CSMD1: variants seen among roughly 807,000 people sequenced by gnomAD.
The protein encoded by CSMD1 is CUB and Sushi multiple domains 1, also known as CUB and sushi domain-containing protein 1.
In CSMD1, 213 loss-of-function variants were observed where a neutral mutation model predicts 417.5. The observed-to-expected ratio is 0.51, with a 90% CI of 0.46 to 0.57. The LOEUF (loss-of-function observed/expected upper bound fraction) is 0.57. Among genes scored for constraint, CSMD1 ranks in the 20% least tolerant of loss-of-function variants. The pLI is 0.00. For synonymous variants in CSMD1, 2,862 were observed against 1,736.8 expected (o/e 1.65, Z -16.11); for missense variants, 6,923 against 4,529.7 (o/e 1.53, Z -15.17).
At chr8:4,421,617 T>C (rs192943964) in intron 2 of CSMD1, among the ~76,000 whole-genome samples, 1 of 151,514 alleles carries the variant, frequency 6.6e-6, no homozygotes, top group Non-Finnish European at 1.5e-5. Flanking sequence ...TCAAGGAAAA[T>C]AAAAATACAG....
intron 16 of CSMD1, among the ~76,000 whole-genome samples, chr8:3,396,877 T>C (rs1811733989): frequency 2.0e-5 from 3 of 151,936 alleles, no homozygotes. Context: ...TAAACACCTT[T>C]CCTGAAAAAA....
intron 3 of CSMD1, among the ~76,000 whole-genome samples, chr8:4,052,001 C>A (rs376401718): frequency 1.3e-5 from 2 of 151,938 alleles, no homozygotes; most frequent in East Asian, 1.9e-4. Flanking sequence ...TCTCGGCTCA[C>A]TGCAACCTCT....
intron 3 of CSMD1, among the ~76,000 whole-genome samples, chr8:4,036,568 C>T (rs1330898957): frequency 6.6e-6 from 1 of 152,116 alleles, no homozygotes; most frequent in Non-Finnish European, 1.5e-5. Flanking sequence ...TCAATTTCAT[C>T]AATTTAGGAA....
At chr8:3,784,135 T>C (rs1329628073) in intron 5 of CSMD1, among the ~76,000 whole-genome samples, 1 of 145,458 alleles carries the variant, frequency 6.9e-6, no homozygotes, top group Non-Finnish European at 1.5e-5. Flanking sequence ...CTTTTTCCTC[T>C]CTCTTTCTCT....
At chr8:3,321,899 T>C (rs1011873558) in intron 23 of CSMD1, among the ~76,000 whole-genome samples, 4 of 152,192 alleles carry the variant, frequency 2.6e-5, no homozygotes, top group African/African-American at 9.6e-5. Flanking sequence ...ACCAGAAATA[T>C]GCAATTAGGG....
intron 3 of CSMD1, among the ~76,000 whole-genome samples, chr8:4,408,625 A>G (rs536333871): frequency 6.6e-6 from 1 of 152,204 alleles, no homozygotes; most frequent in African/African-American, 2.4e-5. Flanking sequence ...TGGAAAATGT[A>G]CTCTATATGA....
chr8:4,806,249 T>G (rs1016448220), intron 1 of CSMD1, among the ~76,000 whole-genome samples: 1 of 152,184 alleles, frequency 6.6e-6, no homozygotes, highest in African/African-American at 2.4e-5. Context: ...CTGAGGATCA[T>G]GCAGTGTGCA....
At chr8:4,912,975 G>C (rs188351118) in intron 1 of CSMD1, among the ~76,000 whole-genome samples, 11 of 152,278 alleles carry the variant, frequency 7.2e-5, no homozygotes, top group Non-Finnish European at 1.2e-4. Context: ...TTTTAGTAGA[G>C]ATGGGGTTTT....
intron 5 of CSMD1, among the ~76,000 whole-genome samples, chr8:3,946,264 G>C (rs2980782): frequency 0.38 from 58,254 of 151,880 alleles, 11,319 homozygotes; most frequent in South Asian, 0.48. Flanking sequence ...TTCCATATTA[G>C]AGAACACAGT....
rs376282969 is a variant in CSMD1 at position 4,032,025 on chromosome 8, C to T, written c.490G>A (p.Gly164Arg). 1.9e-6 allele frequency: 3 copies of T among 1,613,930 alleles called. No homozygotes were observed. The highest frequency in any genetic ancestry group is 2.5e-6 in the Non-Finnish European group (3 of 1,179,864). The change falls in exon 4 of 70, where the codon GGA (glycine) becomes AGA (arginine). Residue 164 changes from glycine to arginine, a missense_variant. By Grantham distance (125) the Gly-to-Arg change is moderately radical. Coordinates refer to ENST00000635120, the MANE Select transcript of CSMD1 (RefSeq NM_033225.6). The part of the protein sequence containing the change: ...GVLHGTRFNI[G>R]DKIRYSCLPG... ...AGGCAGCTGTACCGGATTTTGTCTCCTATGTTGAATCTCGTTCCATGCAGA... is the reference window on the plus strand; with the variant it reads ...AGGCAGCTGTACCGGATTTTGTCTCTTATGTTGAATCTCGTTCCATGCAGA...
chr8:3,976,359 G>A (rs1813435876), intron 5 of CSMD1, among the ~76,000 whole-genome samples: 1 of 152,156 alleles, frequency 6.6e-6, no homozygotes. Context: ...TAACTATCAT[G>A]ACGTTGATGA....
chr8:3,091,390 C>T (rs1019166201), intron 48 of CSMD1, 126 bp downstream of exon 48: 4 of 615,900 alleles, frequency 6.5e-6, no homozygotes, highest in South Asian at 3.6e-5. Context: ...TATATTTCTA[C>T]TGTAGTTAAT....
At chr8:4,271,654 G>A (rs1399812321) in intron 3 of CSMD1, among the ~76,000 whole-genome samples, 1 of 151,664 alleles carries the variant, frequency 6.6e-6, no homozygotes, top group Non-Finnish European at 1.5e-5. Flanking sequence ...GAAAAGAAAT[G>A]GTAAAATACA....
chr8:4,578,332 A>ATTTCTTTTTTTTTTTT (rs1799238876), intron 2 of CSMD1, among the ~76,000 whole-genome samples: 1 of 48,768 alleles, frequency 2.1e-5, no homozygotes, highest in African/African-American at 7.6e-5. Flanking sequence ...CACCCGGCTC[A>ATTTCTTTTTTTTTTTT]TTTTTTTTTT....
chr8:3,285,712 A>G (rs1803099397), intron 25 of CSMD1, among the ~76,000 whole-genome samples: 1 of 151,970 alleles, frequency 6.6e-6, no homozygotes, highest in African/African-American at 2.4e-5. Context: ...AACTTTTTAT[A>G]AAACAAAAAA....
intron 10 of CSMD1, among the ~76,000 whole-genome samples, chr8:3,505,501 T>C (rs1796787045): frequency 6.6e-6 from 1 of 152,166 alleles, no homozygotes; most frequent in Non-Finnish European, 1.5e-5. Context: ...AGTGCTTCAT[T>C]ATGGCCCCTG....
rs200769696 is a variant in CSMD1, at chr8:3,752,676, C to CAAAA, written c.931+1250_931+1253dup. ...CCACTGCCACCCACTCCCCGCCTGG[C>CAAAA]AAAAAAAAAAAAAAAAAAAAAAAAA... On this transcript the variant is annotated intron_variant, in intron 6 of 69. Coordinates refer to ENST00000635120, the MANE Select transcript of CSMD1 (RefSeq NM_033225.6). 2.6e-3 allele frequency among the ~76,000 whole-genome samples: 253 copies of CAAAA among 96,894 alleles called. 17 individuals are homozygous for CAAAA. The highest frequency in any genetic ancestry group is 9.9e-3 in the African/African-American group (212 of 21,456). 63.6% of individuals were successfully genotyped at this position (96,894 alleles called of 152,430 possible).
chr8:3,856,999 T>G (rs963673557), intron 5 of CSMD1, among the ~76,000 whole-genome samples: 1 of 152,148 alleles, frequency 6.6e-6, no homozygotes, highest in African/African-American at 2.4e-5. Flanking sequence ...CACAGAGAAA[T>G]TTTTGTAATG....
At chr8:3,947,298 TTTAA>T (rs1488824209) in intron 5 of CSMD1, among the ~76,000 whole-genome samples, 3 of 152,196 alleles carry the variant, frequency 2.0e-5, no homozygotes, top group Non-Finnish European at 4.4e-5. Flanking sequence ...GTATGCAGCT[TTTAA>T]TTTCCAGTCT....
Sources: allele counts gnomAD v4.1 joint callset (sites outside exome capture counted in the v4.1 genomes callset), GRCh38; gene constraint gnomAD v4.1.1; transcripts MANE v1.5; gene names NCBI Gene and HGNC (gene_info 2026-07-23, HGNC 2026-07-21).